The following TTC17 variants were observed in gnomAD, a reference collection of about 807,000 sequenced individuals.
The protein encoded by TTC17 is tetratricopeptide repeat domain 17.
Under a neutral mutation model 143.8 loss-of-function variants are expected in TTC17, and 58 were observed. That is an observed-to-expected ratio of 0.40 (90% CI 0.33 to 0.50). The LOEUF (loss-of-function observed/expected upper bound fraction) is 0.50. TTC17 is among the 20% of genes least tolerant of loss of function. The probability of loss-of-function intolerance (pLI) is 0.49; values close to 1 mark genes in which losing one functional copy is unlikely to be tolerated. For synonymous variants in TTC17, 501 were observed against 497.8 expected (o/e 1.01, Z -0.09); for missense variants, 1,273 against 1,392.5 (o/e 0.91, Z 1.37).
rs79823406 is a variant in TTC17, at chr11:43,465,224, T to C, written c.3030+13959T>C. 9.3e-3 allele frequency among the ~76,000 whole-genome samples: 1,418 copies of C among 152,338 alleles called. 26 individuals are homozygous for C. Among genetic ancestry groups the C allele is most frequent in the African/African-American group, 0.032 (1,345 of 41,568 alleles). On this transcript the variant is annotated intron_variant, in intron 21 of 23. Coordinates refer to ENST00000039989, the MANE Select transcript of TTC17 (RefSeq NM_018259.6). ...CAGCTATTGAATTAAGTTTATTGTC[T>C]ACTTGCCAAGCTAAAGAATGTATGA...
intron 1 of TTC17, among the ~76,000 whole-genome samples, chr11:43,368,170 G>T (rs1489314381): frequency 6.6e-6 from 1 of 151,954 alleles, no homozygotes; most frequent in Non-Finnish European, 1.5e-5. Flanking sequence ...TGAGTCTTAG[G>T]TGTTGGTGTG....
intron 16 of TTC17, among the ~76,000 whole-genome samples, chr11:43,427,700 T>C (rs952346273): frequency 5.9e-5 from 9 of 152,114 alleles, no homozygotes; most frequent in Non-Finnish European, 1.0e-4. Flanking sequence ...TAACTGTGCC[T>C]CTCCTTTGGC....
chr11:43,372,849 A>G (rs1856622680), intron 1 of TTC17, among the ~76,000 whole-genome samples: 1 of 152,074 alleles, frequency 6.6e-6, no homozygotes, highest in Admixed American at 6.6e-5. Context: ...ATAACCAAAA[A>G]CCTGAATTTT....
Position 43,414,708 on chromosome 11 carries a change from G to A in TTC17, c.2183G>A (p.Ser728Asn), listed in dbSNP as rs201996082. Reference sequence around the variant, plus strand: ...ACCAAATGTCCAGAGTGTGAAAACAGCCTGAAGTTGATCCGCTGTATGCAG... The same window carrying A: ...ACCAAATGTCCAGAGTGTGAAAACAACCTGAAGTTGATCCGCTGTATGCAG... Reference protein sequence around the residue: ...LTTKCPECENSLKLIRCMQFY... With the variant: ...LTTKCPECENNLKLIRCMQFY... The change falls in exon 16 of 24, where the codon AGC (serine) becomes AAC (asparagine). Residue 728 changes from serine to asparagine, a missense_variant. Physicochemically the swap from Ser to Asn is conservative, Grantham distance 46. This residue lies in a region of TTC17 where 878 missense variants were observed against 899.8 expected (regional missense o/e 0.98). Coordinates refer to ENST00000039989, the MANE Select transcript of TTC17 (RefSeq NM_018259.6). 7.3e-5 allele frequency: 117 copies of A among 1,613,752 alleles called. 1 individual carries two copies. The highest frequency in any genetic ancestry group is 2.0e-4 in the East Asian group (9 of 44,864).
chr11:43,364,718 T>C lies in TTC17; in HGVS notation c.159+5605T>C, dbSNP rs1405570636. ...ACTGAGATTCTGACTTTGTTTATGCTGTAGGGCAGTGAGAGGAGCTTGGAA... is the reference window on the plus strand; with the variant it reads ...ACTGAGATTCTGACTTTGTTTATGCCGTAGGGCAGTGAGAGGAGCTTGGAA... On this transcript the variant is annotated intron_variant, in intron 1 of 23. Coordinates refer to ENST00000039989, the MANE Select transcript of TTC17 (RefSeq NM_018259.6). 8.5e-5 allele frequency among the ~76,000 whole-genome samples: 13 copies of C among 152,372 alleles called. No individual in the cohort carries two copies. The South Asian group carries it at 2.5e-3, about 29-fold the overall frequency.
chr11:43,467,760 G>A (rs890387759), intron 21 of TTC17, among the ~76,000 whole-genome samples: 1 of 151,858 alleles, frequency 6.6e-6, no homozygotes, highest in Non-Finnish European at 1.5e-5. Context: ...CCAAACTGAA[G>A]ATGAAGAAGA....
Position 43,363,352 on chromosome 11 carries a change from C to G in TTC17, c.159+4239C>G, listed in dbSNP as rs77181226. 2.2e-3 allele frequency among the ~76,000 whole-genome samples: 336 copies of G among 152,268 alleles called. 3 individuals are homozygous for G. The highest frequency in any genetic ancestry group is 6.0e-3 in the South Asian group (29 of 4,826). On this transcript the variant is annotated intron_variant, in intron 1 of 23. Transcript: ENST00000039989. ...GTGAATTTGCCTAAGAGCCTAACCA[C>G]TCTATGGCACTTCATTTTGTTGAAA...
chr11:43,488,468 A>G (rs910504203), intron 21 of TTC17, among the ~76,000 whole-genome samples: 1 of 150,310 alleles, frequency 6.7e-6, no homozygotes, highest in Non-Finnish European at 1.5e-5. Flanking sequence ...CTGTATTTAT[A>G]TATAGTATAA....
intron 15 of TTC17, among the ~76,000 whole-genome samples, chr11:43,411,331 T>A (rs1858402735): frequency 6.6e-6 from 1 of 152,202 alleles, no homozygotes; most frequent in Non-Finnish European, 1.5e-5. Context: ...CCCACCAATA[T>A]TCTTCATTGC....
intron 16 of TTC17, among the ~76,000 whole-genome samples, chr11:43,433,585 T>C (rs1947210655): frequency 1.3e-5 from 2 of 152,210 alleles, no homozygotes; most frequent in Admixed American, 1.3e-4. Context: ...AGGAGTAATT[T>C]AGCTTCAGGG....
intron 16 of TTC17, among the ~76,000 whole-genome samples, chr11:43,417,704 C>T (rs954635860): frequency 6.6e-6 from 1 of 152,098 alleles, no homozygotes. Flanking sequence ...GGCGTGATAG[C>T]GGGCACCTGT....
intron 21 of TTC17, among the ~76,000 whole-genome samples, chr11:43,477,080 C>A (rs1017627860): frequency 2.0e-5 from 3 of 152,196 alleles, no homozygotes; most frequent in Admixed American, 6.5e-5. Flanking sequence ...TTCCACAAAT[C>A]TCTAGGACAG....
chr11:43,407,015 T>G (rs545946765), intron 13 of TTC17, 123 bp from the exon 14 acceptor site: 2 of 648,312 alleles, frequency 3.1e-6, no homozygotes, highest in Admixed American at 2.9e-5. Context: ...TATATGATCA[T>G]AAATATTTGT....
At chr11:43,453,285 T>C (rs970733260) in intron 21 of TTC17, among the ~76,000 whole-genome samples, 5 of 152,072 alleles carry the variant, frequency 3.3e-5, no homozygotes, top group African/African-American at 1.2e-4. Flanking sequence ...AAAATATATT[T>C]TGTTAAAAGG....
At chr11:43,493,274 T>C (rs571139852) in intron 23 of TTC17, among the ~76,000 whole-genome samples, 26 of 152,186 alleles carry the variant, frequency 1.7e-4, no homozygotes, top group Non-Finnish European at 3.5e-4. Flanking sequence ...TTTAAAACTC[T>C]TCAAAATGTA....
intron 21 of TTC17, chr11:43,466,560 T>G: frequency 4.1e-6 from 1 of 244,234 alleles, no homozygotes. Context: ...TATTCCGGAG[T>G]TTATATGCCA....
chr11:43,444,791 C>T (rs1183936439), intron 18 of TTC17, among the ~76,000 whole-genome samples: 1 of 151,456 alleles, frequency 6.6e-6, no homozygotes, highest in East Asian at 1.9e-4. Flanking sequence ...GATATTCAAC[C>T]TCATCAGCAA....
At chr11:43,381,894 G>T (rs988351136) in intron 2 of TTC17, among the ~76,000 whole-genome samples, 1 of 152,114 alleles carries the variant, frequency 6.6e-6, no homozygotes, top group Non-Finnish European at 1.5e-5. Context: ...ACTGAAGGAG[G>T]TACAGGATTG....
chr11:43,360,954 C>G (rs1234293070), intron 1 of TTC17, among the ~76,000 whole-genome samples: 3 of 152,084 alleles, frequency 2.0e-5, no homozygotes, highest in Non-Finnish European at 4.4e-5. Flanking sequence ...CTTTGCTATA[C>G]ATAACATTTA....
Sources: allele counts gnomAD v4.1 joint callset (sites outside exome capture counted in the v4.1 genomes callset), GRCh38; gene constraint gnomAD v4.1.1; regional missense constraint gnomAD v4.1.1; transcripts MANE v1.5; gene names NCBI Gene and HGNC (gene_info 2026-07-23, HGNC 2026-07-21).